Variants in KCNH2 observed in about 807,000 individuals in gnomAD.
The protein encoded by KCNH2 is voltage-gated inwardly rectifying potassium channel KCNH2.
Under a neutral mutation model 95.9 loss-of-function variants are expected in KCNH2, and 35 were observed. The ratio of observed to expected loss-of-function variants is 0.37; its 90% CI spans 0.28 to 0.48. KCNH2 has a LOEUF of 0.48. KCNH2 is among the 20% of genes least tolerant of loss of function. The pLI is 0.99. For missense variants in KCNH2, 1,274 were observed against 1,702.9 expected, an observed-to-expected ratio of 0.75 and a Z score of 4.43; for synonymous variants, 786 against 754.7, an observed-to-expected ratio of 1.04 and a Z score of -0.68.
chr7:150,945,453 C>A lies in KCNH2; in HGVS notation c.3392G>T (p.Gly1131Val), dbSNP rs370558996. The change falls in exon 15 of 15, where the codon GGC becomes GTC. Residue 1131 changes from glycine (G) to valine (V), a missense_variant. Around this residue, in one of 7 missense-constraint regions of KCNH2, gnomAD observed 457 missense variants for 416.1 expected, o/e 1.10. Coordinates refer to ENST00000262186, the MANE Select transcript of KCNH2 (RefSeq NM_000238.4). The surrounding 1 kb of genome is among the most constrained non-coding windows in gnomAD (Gnocchi z 5.6). ...PPGAPELPQE[G>V]PTRRLSLPGQ... ...CGGTAGGGAGAGGCGTCGTGTGGGG[C>A]CTTCTTGGGGAAGCTCTGGGGCCCC... 8 of 1,561,246 alleles carry A rather than the reference C, an allele frequency of 5.1e-6. No individual in the cohort carries two copies. Among genetic ancestry groups the A allele is most frequent in the Non-Finnish European group, 6.9e-6 (8 of 1,153,438 alleles).
intron 9 of KCNH2, 109 bp from the exon 10 acceptor site, chr7:150,949,158 G>T: frequency 8.4e-7 from 1 of 1,183,868 alleles, no homozygotes; most frequent in Non-Finnish European, 1.2e-6. Flanking sequence ...CCCTCAGCTG[G>T]GTCGCCTGCC....
At position 150,956,536 on chromosome 7, in the gene KCNH2, C is replaced by T. The variant is rs1382494547; in HGVS notation, c.1128+755G>A. ...GCCCCCAAAGGCTAGGATAAGGTGT[C>T]GGGTGGATGAAGCCATGGAGGGGTC... On this transcript the variant is annotated intron_variant, in intron 5 of 14. Coordinates refer to ENST00000262186, the MANE Select transcript of KCNH2 (RefSeq NM_000238.4). 2.7e-5 allele frequency among the ~76,000 whole-genome samples: 4 copies of T among 149,160 alleles called. No individual in the cohort carries two copies. In the East Asian group the frequency reaches 6.2e-4, roughly 23 times the overall value.
rs199473019 is a variant in KCNH2 at position 150,947,466 on chromosome 7, C to T, written c.3014G>A (p.Arg1005Gln). 2.2e-5 allele frequency: 34 copies of T among 1,572,946 alleles called. No homozygotes were observed. Among genetic ancestry groups the T allele is most frequent in the Non-Finnish European group, 2.2e-5 (26 of 1,160,074 alleles). Residue 1005 changes from arginine (R) to glutamine (Q), a missense_variant, in exon 13 of 15, where the codon CGG becomes CAG. By Grantham distance (43) the Arg-to-Gln change is conservative. Transcript: ENST00000262186. ...AGGGAGCTCCTGGTACTGGCGGCCCCGACTGTCCCCCCAGAAGCTGAAAAT... is the reference window on the plus strand; with the variant it reads ...AGGGAGCTCCTGGTACTGGCGGCCCTGACTGTCCCCCCAGAAGCTGAAAAT... ...SNIFSFWGDSRGRQYQELPRC... is the reference protein window; with the variant it reads ...SNIFSFWGDSQGRQYQELPRC...
chr7:150,968,865 G>A (rs1323788223), intron 2 of KCNH2, among the ~76,000 whole-genome samples: 2 of 152,302 alleles, frequency 1.3e-5, no homozygotes, highest in Non-Finnish European at 2.9e-5. Context: ...GCAACAGCAC[G>A]GGCTAGGAGC....
chr7:150,958,181 C>T lies in KCNH2; in HGVS notation c.794G>A (p.Cys265Tyr). 4.4e-6 allele frequency: 6 copies of T among 1,356,450 alleles called. No homozygotes were observed. The highest frequency in any genetic ancestry group is 3.7e-5 in the South Asian group (2 of 54,782). The allele number at this position is 1,356,450 out of a possible 1,614,324, so 84.0% of individuals were successfully genotyped here. ...TCGGGAGCGCGTCCGGGCCAGGCTGCAGCTGGAGCCCGAGGCGTCGGGGTT... is the reference window on the plus strand; with the variant it reads ...TCGGGAGCGCGTCCGGGCCAGGCTGTAGCTGGAGCCCGAGGCGTCGGGGTT... ...SLNPDASGSS[C>Y]SLARTRSRES... The change falls in exon 4 of 15, where the codon TGC becomes TAC. Residue 265 changes from cysteine to tyrosine, a missense_variant. Physicochemically the swap from Cys to Tyr is radical, Grantham distance 194. Around this residue, in one of 7 missense-constraint regions of KCNH2, gnomAD observed 392 missense variants for 429.9 expected, o/e 0.91. Transcript: ENST00000262186.
intron 7 of KCNH2, 148 bp downstream of exon 7, chr7:150,951,300 C>T: frequency 1.7e-6 from 2 of 1,156,016 alleles, no homozygotes; most frequent in South Asian, 2.6e-5. Context: ...GCCCTGGTGA[C>T]CCAGCCCCCA....
At chr7:150,970,013 C>T (rs1189823126) in intron 2 of KCNH2, among the ~76,000 whole-genome samples, 1 of 152,050 alleles carries the variant, frequency 6.6e-6, no homozygotes, top group Admixed American at 6.6e-5. Flanking sequence ...CTGCCCACGT[C>T]GGGAGGGAAG....
At chr7:150,960,974 A>T (rs879433866) in intron 2 of KCNH2, among the ~76,000 whole-genome samples, 3 of 152,136 alleles carry the variant, frequency 2.0e-5, no homozygotes, top group Admixed American at 6.5e-5. Context: ...GAAGTCCTTA[A>T]TGAAACCAGA....
chr7:150,968,274 A>G (rs1584876620), intron 2 of KCNH2, among the ~76,000 whole-genome samples: 1 of 152,234 alleles, frequency 6.6e-6, no homozygotes, highest in South Asian at 2.1e-4. Flanking sequence ...AGACATCCTC[A>G]CCCAAGTCCA....
In KCNH2 at chr7:150,952,885, G is replaced by T; in HGVS notation, c.1129-32C>A. 6.2e-7 allele frequency: 1 copy of T among 1,605,140 alleles called. No individual in the cohort carries two copies. The highest frequency in any genetic ancestry group is 1.7e-4 in the Middle Eastern group (1 of 6,058). ...CCGGGGAAGGCGGAGGTGTGGGTGA[G>T]GCAGGCCATGGGACCTCGGGGGCAG... On this transcript the variant is annotated intron_variant, in intron 5 of 14. Coordinates refer to ENST00000262186, the MANE Select transcript of KCNH2 (RefSeq NM_000238.4). This position sits in a 1 kb window ranked among gnomAD's most constrained non-coding sequence, Gnocchi z 7.3.
intron 13 of KCNH2, 81 bp from the exon 14 acceptor site, chr7:150,947,135 A>T: frequency 4.4e-6 from 1 of 226,000 alleles, no homozygotes; most frequent in Non-Finnish European, 8.4e-6. Flanking sequence ...GGGGAAGGGG[A>T]GGGGGGAGGG....
chr7:150,977,205 C>G (rs778628273), intron 1 of KCNH2, among the ~76,000 whole-genome samples: 1 of 152,176 alleles, frequency 6.6e-6, no homozygotes, highest in African/African-American at 2.4e-5. Flanking sequence ...GCTGCTTACC[C>G]TCAAAGCCCA....
intron 2 of KCNH2, among the ~76,000 whole-genome samples, chr7:150,972,341 C>T (rs1263092968): frequency 6.6e-6 from 1 of 152,226 alleles, no homozygotes; most frequent in African/African-American, 2.4e-5. Flanking sequence ...CGCAGGCATT[C>T]CTCACCTCCG....
intron 2 of KCNH2, among the ~76,000 whole-genome samples, chr7:150,965,542 G>A (rs1040719280): frequency 2.8e-4 from 43 of 152,122 alleles, no homozygotes; most frequent in African/African-American, 1.0e-3. Context: ...CCGGGCAGTT[G>A]CGCCCCAGCT....
chr7:150,964,177 G>A (rs898968034), intron 2 of KCNH2, among the ~76,000 whole-genome samples: 11 of 152,200 alleles, frequency 7.2e-5, no homozygotes, highest in African/African-American at 2.7e-4. Flanking sequence ...AGATGGCCCT[G>A]AGTGACCTTA....
chr7:150,955,845 T>TCCCCAC, intron 5 of KCNH2: 1 of 1,046,210 alleles, frequency 9.6e-7, no homozygotes, highest in Non-Finnish European at 1.1e-6. Flanking sequence ...TTCTACCAGG[T>TCCCCAC]CCCCACCCCC....
Position 150,949,700 on chromosome 7 carries a change from C to A in KCNH2, c.2398+468G>T, listed in dbSNP as rs1214351504. ...GGGGAGGAAGTCCTCAGTGTCCAGACACACCAACCCACCCACTGTGCACAG... is the reference window on the plus strand; with the variant it reads ...GGGGAGGAAGTCCTCAGTGTCCAGAAACACCAACCCACCCACTGTGCACAG... On this transcript the variant is annotated intron_variant, in intron 9 of 14. Coordinates refer to ENST00000262186, the MANE Select transcript of KCNH2 (RefSeq NM_000238.4). 5.1e-6 allele frequency: 6 copies of A among 1,170,818 alleles called. No individual in the cohort carries two copies. The African/African-American group carries it at 9.6e-5, about 19-fold the overall frequency. The allele number at this position is 1,170,818 out of a possible 1,614,324, so 72.5% of individuals were successfully genotyped here. A position where few individuals can be genotyped will look rare whatever the true frequency, so the allele number is the denominator to read the frequency against.
intron 1 of KCNH2, 54 bp from the exon 2 acceptor site, chr7:150,974,995 T>G: frequency 7.0e-7 from 1 of 1,434,624 alleles, no homozygotes; most frequent in Non-Finnish European, 9.4e-7. Flanking sequence ...CCTCCGGGAC[T>G]CCCAGCCCTT....
chr7:150,960,760 C>T (rs563457675), intron 2 of KCNH2, among the ~76,000 whole-genome samples: 1 of 152,312 alleles, frequency 6.6e-6, no homozygotes, highest in East Asian at 1.9e-4. Flanking sequence ...CAGTCTCTCT[C>T]TGTCCACCAA....
Sources: allele counts gnomAD v4.1 joint callset (sites outside exome capture counted in the v4.1 genomes callset), GRCh38; gene constraint gnomAD v4.1.1; regional missense constraint gnomAD v4.1.1; non-coding constraint Gnocchi (gnomAD v3.1); transcripts MANE v1.5; gene names NCBI Gene and HGNC (gene_info 2026-07-23, HGNC 2026-07-21).